GRK5: variants seen among roughly 807,000 people sequenced by gnomAD.
GRK5 encodes the protein g protein-coupled receptor kinase GRK5.
In GRK5, 40 loss-of-function variants were observed where a neutral mutation model predicts 78.4. That is an observed-to-expected ratio of 0.51 (90% CI 0.40 to 0.66). The LOEUF (loss-of-function observed/expected upper bound fraction) is 0.66. GRK5 is among the 30% of genes least tolerant of loss of function. GRK5 has a pLI of 0.00. For synonymous variants in GRK5, 289 were observed against 296.8 expected, an observed-to-expected ratio of 0.97 and a Z score of 0.27; for missense variants, 598 against 759.9, an observed-to-expected ratio of 0.79 and a Z score of 2.50.
At chr10:119,326,640 G>T in intron 2 of GRK5, 29 bp downstream of exon 2, 2 of 1,534,114 alleles carry the variant, frequency 1.3e-6, no homozygotes, top group South Asian at 2.2e-5. Context: ...GGGCTGTGCG[G>T]GGAGTGAGTA....
At chr10:119,262,151 A>T (rs1228400494) in intron 1 of GRK5, among the ~76,000 whole-genome samples, 1 of 151,974 alleles carries the variant, frequency 6.6e-6, no homozygotes, top group Non-Finnish European at 1.5e-5. Context: ...TTTCTTCCTC[A>T]CACATGGAGA....
intron 1 of GRK5, among the ~76,000 whole-genome samples, chr10:119,246,298 A>T (rs1417803460): frequency 6.6e-6 from 1 of 152,106 alleles, no homozygotes; most frequent in South Asian, 2.1e-4. Context: ...GCTGTGTAAT[A>T]GTTGTTATAC....
chr10:119,264,480 T>TC lies in GRK5; in HGVS notation c.52+56512dup, dbSNP rs1484252123. ...TCTCTCTCCTACTACCGCTCATCCTTCTCCCCATGACGATAAAGATGGCCA... is the reference window on the plus strand; with the variant it reads ...TCTCTCTCCTACTACCGCTCATCCTTCCTCCCCATGACGATAAAGATGGCCA... On this transcript the variant is annotated intron_variant, in intron 1 of 15. Transcript: ENST00000392870. The surrounding 1 kb of genome is among the most constrained non-coding windows in gnomAD (Gnocchi z 4.1). Among the ~76,000 whole-genome samples the TC allele has an allele frequency of 6.6e-6, 1 of 152,058 alleles. No individual in the cohort carries two copies. Among genetic ancestry groups the TC allele is most frequent in the Non-Finnish European group, 1.5e-5 (1 of 68,020 alleles).
At chr10:119,236,455 C>A (rs1186402919) in intron 1 of GRK5, among the ~76,000 whole-genome samples, 1 of 152,152 alleles carries the variant, frequency 6.6e-6, no homozygotes, top group Non-Finnish European at 1.5e-5. Flanking sequence ...ATCTCGTGAT[C>A]CGCCCGCCTT....
Position 119,271,311 on chromosome 10 carries a change from C to A in GRK5, c.53-55205C>A, listed in dbSNP as rs965978442. On this transcript the variant is annotated intron_variant, in intron 1 of 15. Transcript: ENST00000392870. The surrounding 1 kb of genome is among the most constrained non-coding windows in gnomAD (Gnocchi z 4.1). ...CATCCCCTCGAGCTGCCAACACAAT[C>A]AAGGGTCTGCAGGTTTGGGAACTCC... Among the ~76,000 whole-genome samples the A allele has an allele frequency of 3.3e-5, 5 of 152,250 alleles. No individual in the cohort carries two copies. The highest frequency in any genetic ancestry group is 7.3e-5 in the Non-Finnish European group (5 of 68,040).
intron 1 of GRK5, among the ~76,000 whole-genome samples, chr10:119,245,421 C>T (rs112375816): frequency 1.5e-3 from 233 of 152,228 alleles, no homozygotes; most frequent in African/African-American, 5.4e-3. Context: ...GTGGCGTGTT[C>T]GTGCAATGGA....
intron 12 of GRK5, 74 bp from the exon 13 acceptor site, chr10:119,448,049 A>G: frequency 6.8e-7 from 1 of 1,465,626 alleles, no homozygotes; most frequent in Non-Finnish European, 9.0e-7. Flanking sequence ...CATGGTGCAG[A>G]CACTGTGGAG....
intron 2 of GRK5, 48 bp downstream of exon 2, chr10:119,326,659 T>C: frequency 6.9e-7 from 1 of 1,446,972 alleles, no homozygotes; most frequent in Non-Finnish European, 9.7e-7. Flanking sequence ...TAGCAGGTGA[T>C]CCGCCAAGCC....
At chr10:119,289,272 T>C (rs564670250) in intron 1 of GRK5, among the ~76,000 whole-genome samples, 8 of 152,344 alleles carry the variant, frequency 5.3e-5, no homozygotes, top group African/African-American at 1.9e-4. Context: ...TCTGGCATGT[T>C]GAGGCTGCAG....
rs200851340 is a variant in GRK5, at chr10:119,312,990, G to A, written c.53-13526G>A. 4.0e-5 allele frequency among the ~76,000 whole-genome samples: 6 copies of A among 150,776 alleles called. No individual in the cohort carries two copies. The East Asian group carries it at 1.2e-3, about 30-fold the overall frequency. On this transcript the variant is annotated intron_variant, in intron 1 of 15. Coordinates refer to ENST00000392870, the MANE Select transcript of GRK5 (RefSeq NM_005308.3). ...TGTGGTGATGGTGATGCTGATGGTG[G>A]TGGTAATGGTGGTCGTGACGGTGAT...
chr10:119,328,363 T>G (rs1298907051), intron 2 of GRK5, among the ~76,000 whole-genome samples: 1 of 152,124 alleles, frequency 6.6e-6, no homozygotes, highest in East Asian at 1.9e-4. Flanking sequence ...TGACTAGCCA[T>G]TTCCTCATGG....
chr10:119,237,715 C>A (rs116877874), intron 1 of GRK5, among the ~76,000 whole-genome samples: 1 of 149,002 alleles, frequency 6.7e-6, no homozygotes, highest in Admixed American at 6.7e-5. Flanking sequence ...GAGGGCAGGT[C>A]GGGTGGGGTG....
rs1195177977 is a variant in GRK5 at position 119,207,674 on chromosome 10, A to AG, written c.-238dup. 3 of 241,954 alleles carry AG rather than the reference A, an allele frequency of 1.2e-5. No individual in the cohort carries two copies. Among genetic ancestry groups the AG allele is most frequent in the African/African-American group, 3.8e-4 (2 of 5,304 alleles). The allele number at this position is 241,954 out of a possible 1,614,324, so 15.0% of individuals were successfully genotyped here. A position where few individuals can be genotyped will look rare whatever the true frequency, so the allele number is the denominator to read the frequency against. Reference sequence around the variant, plus strand: ...GGGGTGGGGGGGAGCGTGTTGAGGGAGGGGGGAGGGGGGACACAGAGGGAG... The same window carrying AG: ...GGGGTGGGGGGGAGCGTGTTGAGGGAGGGGGGGAGGGGGGACACAGAGGGAG... On this transcript the variant is annotated 5_prime_UTR_variant, in exon 1 of 16. Coordinates refer to ENST00000392870, the MANE Select transcript of GRK5 (RefSeq NM_005308.3).
intron 4 of GRK5, among the ~76,000 whole-genome samples, chr10:119,422,707 G>A (rs542746281): frequency 8.4e-4 from 128 of 152,348 alleles, no homozygotes; most frequent in African/African-American, 2.8e-3. Flanking sequence ...GCCAAGGGGC[G>A]TCACCAAGCC....
chr10:119,428,921 AGAG>A (rs1162106685), intron 6 of GRK5, among the ~76,000 whole-genome samples: 1 of 152,216 alleles, frequency 6.6e-6, no homozygotes, highest in African/African-American at 2.4e-5. Flanking sequence ...TTCCCCCAGC[AGAG>A]GAGTTCTGCG....
At position 119,378,614 on chromosome 10, in the gene GRK5, G is replaced by A. The variant is rs1851663201; in HGVS notation, c.149-2201G>A. Among the ~76,000 whole-genome samples, 2 of 152,258 alleles carry A rather than the reference G, an allele frequency of 1.3e-5. No homozygotes were observed. The highest frequency in any genetic ancestry group is 4.1e-4 in the South Asian group (2 of 4,838). ...TCCCCGTGTGGTGAATAAATGCCCG[G>A]GAGGGCGGGCTGCCTTCAGGGCTCC... On this transcript the variant is annotated intron_variant, in intron 2 of 15. Transcript: ENST00000392870. The surrounding 1 kb of genome is among the most constrained non-coding windows in gnomAD (Gnocchi z 4.5).
chr10:119,367,609 T>A (rs985661615), intron 2 of GRK5, among the ~76,000 whole-genome samples: 1 of 152,230 alleles, frequency 6.6e-6, no homozygotes, highest in Non-Finnish European at 1.5e-5. Flanking sequence ...ACATTTGTCC[T>A]CTACATCCCA....
rs536655915 is a variant in GRK5 at position 119,432,472 on chromosome 10, A to G, written c.738+945A>G. Among the ~76,000 whole-genome samples the G allele has an allele frequency of 1.1e-4, 16 of 152,326 alleles. No individual in the cohort carries two copies. In the East Asian group the frequency reaches 1.3e-3, roughly 13 times the overall value. On this transcript the variant is annotated intron_variant, in intron 8 of 15. Coordinates refer to ENST00000392870, the MANE Select transcript of GRK5 (RefSeq NM_005308.3). Reference sequence around the variant, plus strand: ...CTAAAACTAAATACATGCATACATTAAAAATAATATATACACAAGGTAAAA... The same window carrying G: ...CTAAAACTAAATACATGCATACATTGAAAATAATATATACACAAGGTAAAA...
intron 6 of GRK5, among the ~76,000 whole-genome samples, chr10:119,426,905 C>T (rs1852691737): frequency 1.3e-5 from 2 of 152,272 alleles, no homozygotes; most frequent in South Asian, 4.1e-4. Flanking sequence ...GCATCACCAC[C>T]ATCATCAGCA....
Sources: allele counts gnomAD v4.1 joint callset (sites outside exome capture counted in the v4.1 genomes callset), GRCh38; gene constraint gnomAD v4.1.1; non-coding constraint Gnocchi (gnomAD v3.1); transcripts MANE v1.5; gene names NCBI Gene and HGNC (gene_info 2026-07-23, HGNC 2026-07-21).